Variants in ARHGAP44 observed in about 807,000 individuals in gnomAD.
ARHGAP44 encodes Rho GTPase activating protein 44.
Under a neutral mutation model 106.8 loss-of-function variants are expected in ARHGAP44, and 43 were observed. The ratio of observed to expected loss-of-function variants is 0.40; its 90% CI spans 0.32 to 0.52. The LOEUF is 0.52. ARHGAP44 is among the 20% of genes least tolerant of loss of function. The pLI, the probability that ARHGAP44 is intolerant of heterozygous loss-of-function variation, is 0.48. For missense variants in ARHGAP44, 866 were observed against 1,050.5 expected (o/e 0.82, Z 2.43); for synonymous variants, 439 against 410.3 (o/e 1.07, Z -0.85).
chr17:12,973,769 C>A, intron 17 of ARHGAP44: 1 of 523,672 alleles, frequency 1.9e-6, no homozygotes, highest in Non-Finnish European at 3.4e-6. Context: ...GGGAGCTTGC[C>A]GGGCCATCAT....
intron 3 of ARHGAP44, among the ~76,000 whole-genome samples, chr17:12,907,043 C>G (rs2037572408): frequency 6.6e-6 from 1 of 152,110 alleles, no homozygotes; most frequent in South Asian, 2.1e-4. Context: ...TTGTTTATCA[C>G]TGGTTTGGTG....
chr17:12,979,187 T>G lies in ARHGAP44; in HGVS notation c.1764-871T>G, dbSNP rs542937940. On this transcript the variant is annotated intron_variant, in intron 18 of 20. Coordinates refer to ENST00000379672, the MANE Select transcript of ARHGAP44 (RefSeq NM_014859.6). The stretch of plus-strand genomic sequence containing the variant: ...TTCTTGGAAAGGATTGAGAACACTG[T>G]GGGGGAAGTGTGGAGATCAATTAGT... Among the ~76,000 whole-genome samples the G allele has an allele frequency of 2.6e-5, 4 of 152,294 alleles. No individual in the cohort carries two copies. In the East Asian group the frequency reaches 7.7e-4, roughly 29 times the overall value.
chr17:12,919,759 A>G lies in ARHGAP44; in HGVS notation c.392A>G (p.Glu131Gly), dbSNP rs756542987. Residue 131 changes from glutamate (E) to glycine (G), a missense_variant, in exon 6 of 21, where the codon GAA becomes GGA. Glu to Gly is a moderately conservative substitution (Grantham distance 98). Around this residue, in one of 2 missense-constraint regions of ARHGAP44, gnomAD observed 448 missense variants for 646.9 expected, o/e 0.69. Transcript: ENST00000379672. ...IEPLFLLAEV[E>G]IPNIQKQRKH... is the part of the protein sequence containing the mutation. Reference sequence around the variant, plus strand: ...TTTTATGTTGTGTAACCACAGGTGGAAATCCCAAATATTCAAAAGCAGAGG... The same window carrying G: ...TTTTATGTTGTGTAACCACAGGTGGGAATCCCAAATATTCAAAAGCAGAGG... 6.7e-5 allele frequency: 108 copies of G among 1,611,720 alleles called. No homozygotes were observed. Among genetic ancestry groups the G allele is most frequent in the Non-Finnish European group, 8.5e-5 (100 of 1,178,944 alleles).
At chr17:12,988,434 A>G (rs901213391) in intron 20 of ARHGAP44, 1 of 152,190 alleles carries the variant, frequency 6.6e-6, no homozygotes, top group African/African-American at 2.4e-5. Context: ...TCAGCCTCAC[A>G]CCTGTGTAGA....
chr17:12,816,539 T>G (rs2034602321), intron 1 of ARHGAP44, among the ~76,000 whole-genome samples: 1 of 152,168 alleles, frequency 6.6e-6, no homozygotes, highest in Admixed American at 6.5e-5. Flanking sequence ...AACTAAAAAA[T>G]TACTGCAAAT....
chr17:12,956,238 G>A (rs1025406189), intron 14 of ARHGAP44, among the ~76,000 whole-genome samples: 1 of 152,104 alleles, frequency 6.6e-6, no homozygotes. Flanking sequence ...ATTGGGATGA[G>A]GGGAAAGGAG....
At chr17:12,828,446 T>C (rs1464474681) in intron 1 of ARHGAP44, among the ~76,000 whole-genome samples, 1 of 152,108 alleles carries the variant, frequency 6.6e-6, no homozygotes, top group Admixed American at 6.5e-5. Context: ...GCAAATGCTC[T>C]TTCTGCATCC....
chr17:12,888,812 G>A (rs1415618559), intron 1 of ARHGAP44, among the ~76,000 whole-genome samples: 1 of 152,022 alleles, frequency 6.6e-6, no homozygotes, highest in African/African-American at 2.4e-5. Flanking sequence ...TGTCTTAGTG[G>A]CTTGACCCTT....
At chr17:12,831,466 A>T (rs2035086631) in intron 1 of ARHGAP44, among the ~76,000 whole-genome samples, 1 of 152,210 alleles carries the variant, frequency 6.6e-6, no homozygotes, top group African/African-American at 2.4e-5. Flanking sequence ...TACAGAGGTT[A>T]CTGGTGCTTT....
intron 1 of ARHGAP44, among the ~76,000 whole-genome samples, chr17:12,876,123 T>C (rs1388764246): frequency 6.6e-6 from 1 of 152,182 alleles, no homozygotes; most frequent in Non-Finnish European, 1.5e-5. Context: ...CAGCTCTTTT[T>C]ATCAGGCCCC....
In ARHGAP44 at chr17:12,963,046, C is replaced by CAAA. The variant is rs71369355; in HGVS notation, c.1523+4171_1523+4173dup. ...GGGCAACAGGAGTGAAACACCATCT[C>CAAA]AAAAAAAAAAAAAAAAAAAAAAAAG... On this transcript the variant is annotated intron_variant, in intron 16 of 20. Transcript: ENST00000379672. Among the ~76,000 whole-genome samples the CAAA allele has an allele frequency of 2.8e-3, 198 of 70,854 alleles. 2 individuals are homozygous for CAAA. The highest frequency in any genetic ancestry group is 5.6e-3 in the South Asian group (13 of 2,328). The allele number at this position is 70,854 out of a possible 152,430, so 46.5% of individuals were successfully genotyped here.
chr17:12,978,752 G>C (rs1174691434), intron 18 of ARHGAP44, among the ~76,000 whole-genome samples: 1 of 148,734 alleles, frequency 6.7e-6, no homozygotes, highest in Non-Finnish European at 1.5e-5. Context: ...GCAGTGGCAC[G>C]ATCTCAGCTC....
chr17:12,978,036 C>CAAAAAAAAAAAAAAAAAAAAAAAA (rs1157325814), intron 18 of ARHGAP44, among the ~76,000 whole-genome samples: 2 of 89,296 alleles, frequency 2.2e-5, no homozygotes, highest in African/African-American at 9.5e-5. Flanking sequence ...GACTCCATCT[C>CAAAAAAAAAAAAAAAAAAAAAAAA]AAAAAAAAAA....
chr17:12,882,248 G>A (rs2150900825), intron 1 of ARHGAP44, among the ~76,000 whole-genome samples: 1 of 152,050 alleles, frequency 6.6e-6, no homozygotes, highest in South Asian at 2.1e-4. Flanking sequence ...TTGCTGTATG[G>A]AATGAATTTT....
chr17:12,897,609 CTT>C (rs2037249409), intron 3 of ARHGAP44, among the ~76,000 whole-genome samples: 1 of 151,276 alleles, frequency 6.6e-6, no homozygotes, highest in Non-Finnish European at 1.5e-5. Context: ...TGCAAAATGA[CTT>C]TGGGCATGAA....
At chr17:12,883,422 GTTTAC>G (rs1428957851) in intron 1 of ARHGAP44, among the ~76,000 whole-genome samples, 1 of 150,400 alleles carries the variant, frequency 6.6e-6, no homozygotes, top group Admixed American at 6.6e-5. Context: ...AGTTTATTCT[GTTTAC>G]TTCTTAAATA....
intron 1 of ARHGAP44, among the ~76,000 whole-genome samples, chr17:12,861,586 G>A (rs1410069932): frequency 8.0e-5 from 12 of 150,778 alleles, no homozygotes; most frequent in Non-Finnish European, 7.4e-5. Context: ...ATACCACATC[G>A]CTCTGATCCT....
chr17:12,990,383 T>G lies in ARHGAP44; in HGVS notation c.*212T>G, dbSNP rs1382800817. ...TTGTTTGTTCCTTTCGGGTGGTGAC[T>G]TCGGCCTTTTGTTTGACCTTTGCCT... On this transcript the variant is annotated 3_prime_UTR_variant, in exon 21 of 21. Transcript: ENST00000379672. 2 of 593,634 alleles carry G rather than the reference T, an allele frequency of 3.4e-6. No homozygotes were observed. Among genetic ancestry groups the G allele is most frequent in the East Asian group, 3.0e-5 (1 of 33,168 alleles). The allele number at this position is 593,634 out of a possible 1,614,324, so 36.8% of individuals were successfully genotyped here.
intron 1 of ARHGAP44, among the ~76,000 whole-genome samples, chr17:12,834,612 G>A (rs1018849679): frequency 5.3e-5 from 8 of 152,132 alleles, no homozygotes; most frequent in African/African-American, 1.9e-4. Flanking sequence ...TGGCAGTGGG[G>A]ATAAAACATA....
Sources: allele counts gnomAD v4.1 joint callset (sites outside exome capture counted in the v4.1 genomes callset), GRCh38; gene constraint gnomAD v4.1.1; regional missense constraint gnomAD v4.1.1; transcripts MANE v1.5; gene names NCBI Gene and HGNC (gene_info 2026-07-23, HGNC 2026-07-21).